The following PCDHA2 variants were observed in gnomAD, a reference collection of about 807,000 sequenced individuals.
PCDHA2 encodes the protein protocadherin alpha 2, also known as protocadherin alpha-2.
Under a neutral mutation model 66.0 loss-of-function variants are expected in PCDHA2, and 58 were observed. The observed-to-expected ratio is 0.88, with a 90% confidence interval of 0.71 to 1.09. The LOEUF is 1.09. Among genes scored for constraint, PCDHA2 ranks in the 50% least tolerant of loss-of-function variants. The probability of loss-of-function intolerance (pLI) is 0.00; values close to 1 mark genes in which losing one functional copy is unlikely to be tolerated. For synonymous variants in PCDHA2, 634 were observed against 554.0 expected (o/e 1.14, Z -2.03); for missense variants, 1,267 against 1,242.3 (o/e 1.02, Z -0.30).
chr5:140,927,614 A>G (rs1554204810), intron 1 of PCDHA2: 10 of 1,614,204 alleles, frequency 6.2e-6, no homozygotes, highest in South Asian at 1.1e-5. Flanking sequence ...TACCGCACCA[A>G]GGTTCCAGAG....
chr5:140,870,504 C>T (rs782464928), intron 1 of PCDHA2: 13 of 1,614,114 alleles, frequency 8.1e-6, no homozygotes, highest in Middle Eastern at 3.3e-4. Context: ...AGGAGAACAA[C>T]CCACCAGGCT....
At chr5:141,005,315 G>A (rs1554259986) in intron 3 of PCDHA2, among the ~76,000 whole-genome samples, 1 of 152,186 alleles carries the variant, frequency 6.6e-6, no homozygotes, top group Non-Finnish European at 1.5e-5. Flanking sequence ...TCTTACAGTG[G>A]TAGAGAATAA....
At chr5:140,886,899 A>G (rs1054848231) in intron 1 of PCDHA2, among the ~76,000 whole-genome samples, 1 of 152,020 alleles carries the variant, frequency 6.6e-6, no homozygotes, top group Admixed American at 6.6e-5. Flanking sequence ...AATGCATTTA[A>G]TAAATACTTA....
At chr5:140,877,240 G>A (rs1481558429) in intron 1 of PCDHA2, 2 of 1,613,736 alleles carry the variant, frequency 1.2e-6, no homozygotes, top group Non-Finnish European at 1.7e-6. Context: ...TGCGGGCCAC[G>A]TGGTGGCGAA....
rs782009767 is a variant in PCDHA2, at chr5:140,830,181, A to T, written c.2388+32829A>T. On this transcript the variant is annotated intron_variant, in intron 1 of 3. Coordinates refer to ENST00000526136, the MANE Select transcript of PCDHA2 (RefSeq NM_018905.3). ...CCAGAGGCGGCGCTGGTGGATGTCA[A>T]CGTGTACCTGATCATCGCCATCTGC... 7 of 1,613,474 alleles carry T rather than the reference A, an allele frequency of 4.3e-6. No individual in the cohort carries two copies. In the Admixed American group the frequency reaches 1.0e-4, roughly 23 times the overall value.
Position 140,969,579 on chromosome 5 carries a change from G to A in PCDHA2, c.2389-9370G>A, listed in dbSNP as rs373969836. Reference sequence around the variant, plus strand: ...TCCATAAAATTGTTTGAGAAGTGAGGATTAGTCTTAATATTTAATGCTAAA... The same window carrying A: ...TCCATAAAATTGTTTGAGAAGTGAGAATTAGTCTTAATATTTAATGCTAAA... On this transcript the variant is annotated intron_variant, in intron 1 of 3. Coordinates refer to ENST00000526136, the MANE Select transcript of PCDHA2 (RefSeq NM_018905.3). 1,666 of 951,704 alleles carry A rather than the reference G, an allele frequency of 1.8e-3. 9 individuals carry two copies. The Middle Eastern group carries it at 0.019, about 11-fold the overall frequency. 59.0% of individuals were successfully genotyped at this position (951,704 alleles called of 1,614,324 possible). A position where few individuals can be genotyped will look rare whatever the true frequency, so the allele number is the denominator to read the frequency against.
intron 1 of PCDHA2, chr5:140,884,155 C>G: frequency 6.2e-7 from 1 of 1,613,430 alleles, no homozygotes; most frequent in Non-Finnish European, 8.5e-7. Context: ...TGTACACTGG[C>G]GAGATCAGCA....
intron 1 of PCDHA2, chr5:140,883,523 T>A: frequency 6.2e-7 from 1 of 1,614,226 alleles, no homozygotes; most frequent in Non-Finnish European, 8.5e-7. Flanking sequence ...CGAGAGCGTA[T>A]CAGCCTATGA....
At chr5:140,927,638 G>C (rs781909639) in intron 1 of PCDHA2, 1 of 1,614,024 alleles carries the variant, frequency 6.2e-7, no homozygotes, top group Admixed American at 1.7e-5. Flanking sequence ...GCACCCAATG[G>C]GACTGTGTTA....
intron 1 of PCDHA2, chr5:140,877,101 G>T (rs375706181): frequency 6.8e-6 from 11 of 1,613,354 alleles, no homozygotes; most frequent in Non-Finnish European, 9.3e-6. Flanking sequence ...CCGGCGTGCC[G>T]CCTCTGGGCA....
intron 1 of PCDHA2, among the ~76,000 whole-genome samples, chr5:140,888,041 A>G (rs571709864): frequency 2.0e-5 from 3 of 152,296 alleles, no homozygotes; most frequent in South Asian, 4.1e-4. Context: ...TAGTACATGT[A>G]TAATAGATGT....
At position 140,869,552 on chromosome 5, in the gene PCDHA2, C is replaced by T. The variant is rs537127263; in HGVS notation, c.2388+72200C>T. ...ATTGCGGAATCTAAGCAATCGGACTCGCGTTTTCCACTAGAGGGAGCTTCT... is the reference window on the plus strand; with the variant it reads ...ATTGCGGAATCTAAGCAATCGGACTTGCGTTTTCCACTAGAGGGAGCTTCT... On this transcript the variant is annotated intron_variant, in intron 1 of 3. Transcript: ENST00000526136. 4 of 1,614,140 alleles carry T rather than the reference C, an allele frequency of 2.5e-6. No homozygotes were observed. In the East Asian group the frequency reaches 6.7e-5, roughly 27 times the overall value.
intron 1 of PCDHA2, chr5:140,929,214 G>A: frequency 1.2e-6 from 2 of 1,614,076 alleles, no homozygotes; most frequent in Non-Finnish European, 1.7e-6. Context: ...TGCGTGGGGA[G>A]TACAATGCTG....
intron 1 of PCDHA2, among the ~76,000 whole-genome samples, chr5:140,880,789 A>G (rs917582554): frequency 1.3e-5 from 2 of 152,230 alleles, no homozygotes; most frequent in African/African-American, 4.8e-5. Flanking sequence ...TAGAGGAGTA[A>G]TATAAATAGG....
chr5:140,967,786 G>A, intron 1 of PCDHA2: 1 of 1,614,216 alleles, frequency 6.2e-7, no homozygotes, highest in East Asian at 2.2e-5. Context: ...CGACTGACCG[G>A]GGTCCAGTGC....
intron 1 of PCDHA2, among the ~76,000 whole-genome samples, chr5:140,898,010 T>A (rs2066467224): frequency 6.6e-6 from 1 of 152,240 alleles, no homozygotes; most frequent in African/African-American, 2.4e-5. Context: ...TCTGTTCATA[T>A]CCTTTGCCCA....
chr5:140,795,033 C>T lies in PCDHA2; in HGVS notation c.69C>T (p.Ala23=). The T allele has an allele frequency of 3.1e-6, 5 of 1,613,860 alleles. No homozygotes were observed. Among genetic ancestry groups the T allele is most frequent in the Non-Finnish European group, 4.2e-6 (5 of 1,179,982 alleles). The part of the protein sequence containing the change: ...TRLLSLLLLA[A]WEVGSGQLRY... ...TGCTCTCGCTTCTGCTCCTCGCAGC[C>T]TGGGAGGTGGGGAGCGGCCAGCTCC... The change falls in exon 1 of 4, where the codon GCC becomes GCT. Residue 23 remains alanine (A), a synonymous_variant. Transcript: ENST00000526136.
At chr5:140,817,419 A>T (rs2150098151) in intron 1 of PCDHA2, 7 of 152,168 alleles carry the variant, frequency 4.6e-5, no homozygotes, top group Non-Finnish European at 1.0e-4. Flanking sequence ...GAGTTGGTAT[A>T]CCTGTGGAGG....
chr5:140,943,888 T>A (rs567966075), intron 1 of PCDHA2, among the ~76,000 whole-genome samples: 1 of 152,330 alleles, frequency 6.6e-6, no homozygotes, highest in South Asian at 2.1e-4. Context: ...ATTGGACTGG[T>A]CATTATGATG....
Sources: allele counts gnomAD v4.1 joint callset (sites outside exome capture counted in the v4.1 genomes callset), GRCh38; gene constraint gnomAD v4.1.1; transcripts MANE v1.5; gene names NCBI Gene and HGNC (gene_info 2026-07-23, HGNC 2026-07-21).